The following HSPA9 variants were observed in gnomAD, a reference collection of about 807,000 sequenced individuals.
HSPA9 encodes the protein stress-70 protein, mitochondrial.
Under a neutral mutation model 81.5 loss-of-function variants are expected in HSPA9, and 28 were observed. The ratio of observed to expected loss-of-function variants is 0.34; its 90% CI spans 0.25 to 0.47. HSPA9 has a LOEUF of 0.47. HSPA9 is among the 20% of genes least tolerant of loss of function. The pLI, the probability that HSPA9 is intolerant of heterozygous loss-of-function variation, is 1.00. For synonymous variants in HSPA9, 293 were observed against 290.4 expected, an observed-to-expected ratio of 1.01 and a Z score of -0.09; for missense variants, 678 against 838.0, an observed-to-expected ratio of 0.81 and a Z score of 2.36.
intron 7 of HSPA9, 50 bp downstream of exon 7, chr5:138,567,405 G>T: frequency 1.4e-6 from 2 of 1,388,676 alleles, no homozygotes; most frequent in Non-Finnish European, 2.0e-6. Context: ...AAAATTAAGT[G>T]ACACTTTAGT....
At position 138,574,117 on chromosome 5, in the gene HSPA9, T is replaced by C. The variant is rs766899877; in HGVS notation, c.91A>G (p.Asn31Asp). 1.1e-5 allele frequency: 18 copies of C among 1,613,610 alleles called. No homozygotes were observed. In the South Asian group the frequency reaches 1.8e-4, roughly 16 times the overall value. Residue 31 changes from asparagine (N) to aspartate (D), a missense_variant, in exon 2 of 17, where the codon AAT becomes GAT. Coordinates refer to ENST00000297185, the MANE Select transcript of HSPA9 (RefSeq NM_004134.7). Reference protein sequence around the residue: ...PTAARHQDSWNGLSHEAFRLV... With the variant: ...PTAARHQDSWDGLSHEAFRLV... ...CTAAAAGCCTCATGACTAAGGCCATTCCAGCTATCCTAAAAAAGAAAAAAC... is the reference window on the plus strand; with the variant it reads ...CTAAAAGCCTCATGACTAAGGCCATCCCAGCTATCCTAAAAAAGAAAAAAC...
At chr5:138,559,245 A>C (rs780229738) in intron 11 of HSPA9, among the ~76,000 whole-genome samples, 13 of 151,982 alleles carry the variant, frequency 8.6e-5, no homozygotes, top group South Asian at 2.1e-4. Flanking sequence ...AGCTGGGACT[A>C]CAGGTACACA....
chr5:138,566,788 G>A (rs892295262), intron 8 of HSPA9, 70 bp from the exon 9 acceptor site: 1 of 1,271,974 alleles, frequency 7.9e-7, no homozygotes, highest in Non-Finnish European at 1.2e-6. Context: ...CAGTAATAAG[G>A]TGGAACAACA....
intron 10 of HSPA9, chr5:138,560,800 G>A (rs371036786): frequency 1.7e-4 from 65 of 388,936 alleles, no homozygotes; most frequent in African/African-American, 1.3e-3. Context: ...CGCCCGCCTT[G>A]GCCTCCCAAA....
chr5:138,561,544 CCTCT>C (rs770308339), intron 10 of HSPA9, 32 bp downstream of exon 10: 5 of 1,549,108 alleles, frequency 3.2e-6, no homozygotes, highest in East Asian at 4.5e-5. Flanking sequence ...ATGCGCCAGC[CCTCT>C]CTCTCCACGA....
intron 13 of HSPA9, 43 bp downstream of exon 13, chr5:138,557,826 T>C (rs778715438): frequency 5.1e-5 from 61 of 1,201,078 alleles, no homozygotes; most frequent in Non-Finnish European, 7.2e-5. Context: ...TCCCAAGACC[T>C]CCCTCACCTC....
Position 138,555,692 on chromosome 5 carries a change from A to G in HSPA9, c.*345T>C, listed in dbSNP as rs1165504418. ...TCTCATTTCAAGTCTATGGATGACTACCTTCATTGCTGTGTGCGAGATGGT... is the reference window on the plus strand; with the variant it reads ...TCTCATTTCAAGTCTATGGATGACTGCCTTCATTGCTGTGTGCGAGATGGT... On this transcript the variant is annotated 3_prime_UTR_variant, in exon 17 of 17. Coordinates refer to ENST00000297185, the MANE Select transcript of HSPA9 (RefSeq NM_004134.7). 5.7e-6 allele frequency: 2 copies of G among 349,890 alleles called. No homozygotes were observed. The highest frequency in any genetic ancestry group is 1.1e-5 in the Non-Finnish European group (2 of 183,378). 21.7% of individuals were successfully genotyped at this position (349,890 alleles called of 1,614,324 possible).
At chr5:138,562,102 C>T (rs886908843) in intron 9 of HSPA9, among the ~76,000 whole-genome samples, 1 of 151,520 alleles carries the variant, frequency 6.6e-6, no homozygotes, top group East Asian at 2.0e-4. Context: ...CCATGCCCAG[C>T]TAATTTTTGT....
Position 138,567,043 on chromosome 5 carries a change from G to A in HSPA9, c.837C>T (p.Asp279=), listed in dbSNP as rs1750783799. The part of the protein sequence containing the change: ...GDTFLGGEDF[D]QALLRHIVKE... ...TCACAATGTGCCGTAGCAAGGCCTG[G>A]TCAAAGTCTTCCCCACCTAAGAAGG... is the stretch of plus-strand genomic sequence containing the variant. Residue 279 remains aspartate (D), a synonymous_variant, in exon 8 of 17, where the codon GAC becomes GAT. Coordinates refer to ENST00000297185, the MANE Select transcript of HSPA9 (RefSeq NM_004134.7). 1.2e-6 allele frequency: 2 copies of A among 1,613,382 alleles called. No homozygotes were observed. The highest frequency in any genetic ancestry group is 1.1e-5 in the South Asian group (1 of 91,056).
chr5:138,564,842 G>T (rs961702838), intron 9 of HSPA9, among the ~76,000 whole-genome samples: 1 of 152,140 alleles, frequency 6.6e-6, no homozygotes, highest in Non-Finnish European at 1.5e-5. Flanking sequence ...TTGTAGATAA[G>T]TAACAGTAAT....
At chr5:138,565,544 G>A (rs1276597097) in intron 9 of HSPA9, among the ~76,000 whole-genome samples, 2 of 152,094 alleles carry the variant, frequency 1.3e-5, no homozygotes, top group Non-Finnish European at 2.9e-5. Flanking sequence ...CTATCTTCAT[G>A]GGTCTCTAAC....
intron 3 of HSPA9, among the ~76,000 whole-genome samples, chr5:138,573,143 TTGGCCTCCCAAAGTGC>T (rs1750946619): frequency 6.6e-6 from 1 of 152,170 alleles, no homozygotes; most frequent in Non-Finnish European, 1.5e-5. Flanking sequence ...TCCACCCGCC[TTGGCCTCCCAAAGTGC>T]TAGGATTTCA....
chr5:138,561,498 G>T, intron 10 of HSPA9, 82 bp downstream of exon 10: 2 of 1,025,808 alleles, frequency 1.9e-6, no homozygotes, highest in Non-Finnish European at 3.1e-6. Context: ...AGCAGAATGG[G>T]CCATATATTT....
chr5:138,573,123 G>C (rs1161285427), intron 3 of HSPA9, among the ~76,000 whole-genome samples: 1 of 152,138 alleles, frequency 6.6e-6, no homozygotes, highest in African/African-American at 2.4e-5. Flanking sequence ...TCGATCTCTT[G>C]ACCTTGTGAT....
chr5:138,561,343 A>C (rs1378647521), intron 10 of HSPA9, among the ~76,000 whole-genome samples: 1 of 152,006 alleles, frequency 6.6e-6, no homozygotes, highest in Non-Finnish European at 1.5e-5. Flanking sequence ...AATTAGACTC[A>C]TGTGATCTGC....
Position 138,559,864 on chromosome 5 carries a change from C to T in HSPA9, c.1410G>A (p.Gln470=). The T allele has an allele frequency of 6.2e-7, 1 of 1,601,344 alleles. No homozygotes were observed. Among genetic ancestry groups the T allele is most frequent in the Non-Finnish European group, 8.6e-7 (1 of 1,168,364 alleles). Residue 470 remains glutamine (Q), a splice_region_variant and synonymous_variant, in exon 11 of 17, where the codon CAG becomes CAA. Coordinates refer to ENST00000297185, the MANE Select transcript of HSPA9 (RefSeq NM_004134.7). ...RNTTIPTKKS[Q]VFSTAADGQT... ...CAAGGTAGGAAGTGATGGCTCTTAC[C>T]TGGCTCTTCTTGGTTGGAATAGTGG...
Position 138,556,851 on chromosome 5 carries a change from C to G in HSPA9, c.1744G>C (p.Val582Leu). The part of the protein sequence containing the change: ...DRRKKERVEA[V>L]NMAEGIIHDT... The stretch of plus-strand genomic sequence containing the variant: ...TGAATGATTCCTTCAGCCATATTAA[C>G]TGCTTCAACTCGTTCCTTAGAGAAA... The change falls in exon 15 of 17, where the codon GTT becomes CTT. Residue 582 changes from valine (V) to leucine (L), a missense_variant. By Grantham distance (32) the Val-to-Leu change is conservative (BLOSUM62 1). This residue lies in a region of HSPA9 where 484 missense variants were observed against 647.5 expected (regional missense o/e 0.75). Coordinates refer to ENST00000297185, the MANE Select transcript of HSPA9 (RefSeq NM_004134.7). 1.9e-6 allele frequency: 3 copies of G among 1,613,364 alleles called. No individual in the cohort carries two copies. The highest frequency in any genetic ancestry group is 1.1e-5 in the South Asian group (1 of 91,064).
chr5:138,557,003 T>C (rs995795969), intron 14 of HSPA9, 137 bp from the exon 15 acceptor site: 4 of 724,864 alleles, frequency 5.5e-6, no homozygotes, highest in Non-Finnish European at 9.9e-6. Flanking sequence ...CAGAGTGGCA[T>C]GAAAGAGTCT....
At chr5:138,563,259 G>C (rs1750695979) in intron 9 of HSPA9, among the ~76,000 whole-genome samples, 2 of 152,144 alleles carry the variant, frequency 1.3e-5, no homozygotes, top group Admixed American at 6.5e-5. Context: ...CTGAGCACTT[G>C]AAATAAGACT....
Sources: allele counts gnomAD v4.1 joint callset (sites outside exome capture counted in the v4.1 genomes callset), GRCh38; gene constraint gnomAD v4.1.1; regional missense constraint gnomAD v4.1.1; transcripts MANE v1.5; gene names NCBI Gene and HGNC (gene_info 2026-07-23, HGNC 2026-07-21).